MGST1: variants seen among roughly 807,000 people sequenced by gnomAD.
The protein encoded by MGST1 is microsomal glutathione S-transferase 1.
Under a neutral mutation model 8.9 loss-of-function variants are expected in MGST1, and 5 were observed. The observed-to-expected ratio is 0.56, with a 90% CI of 0.29 to 1.19. The LOEUF is 1.19. MGST1 is among the 50% of genes most tolerant of loss of function. The pLI is 0.08. For synonymous variants in MGST1, 54 were observed against 67.8 expected, an observed-to-expected ratio of 0.80 and a Z score of 1.00; for missense variants, 182 against 187.4, an observed-to-expected ratio of 0.97 and a Z score of 0.17.
At chr12:16,364,474 G>A, downstream of MGST1, 1 of 865,020 alleles carries the variant, frequency 1.2e-6, no homozygotes, top group Non-Finnish European at 1.4e-6. This position sits in a 1 kb window ranked among gnomAD's most constrained non-coding sequence, Gnocchi z 5.7. Context: ...GGGTAAAGTT[G>A]AAAAATAGTA....
chr12:16,430,195 A>G (rs1001945134), intron 1 of MGST1, among the ~76,000 whole-genome samples: 2 of 152,178 alleles, frequency 1.3e-5, no homozygotes, highest in African/African-American at 4.8e-5. Context: ...CAGGTTCTAC[A>G]GCTAATTCTA....
intron 4 of MGST1, among the ~76,000 whole-genome samples, chr12:16,485,116 T>C (rs1941391210): frequency 6.6e-6 from 1 of 152,238 alleles, no homozygotes; most frequent in Non-Finnish European, 1.5e-5. Flanking sequence ...GTTGACCACC[T>C]TCCCCCTCTT....
intron 4 of MGST1, among the ~76,000 whole-genome samples, chr12:16,531,099 G>T (rs953303113): frequency 7.5e-5 from 10 of 133,404 alleles, no homozygotes; most frequent in Non-Finnish European, 3.0e-5. Context: ...GTAAGTTGCA[G>T]CACATGTGTT....
chr12:16,483,759 A>C (rs1941380326), intron 4 of MGST1, among the ~76,000 whole-genome samples: 1 of 152,168 alleles, frequency 6.6e-6, no homozygotes, highest in Non-Finnish European at 1.5e-5. Flanking sequence ...TCATTATCAT[A>C]ATGGGAGATT....
At position 16,576,343 on chromosome 12, in the gene MGST1, A is replaced by G. The variant is rs543704444; in HGVS notation, n.483-13185A>G. On this transcript the variant is annotated intron_variant and non_coding_transcript_variant, in intron 4 of 4. Transcript: ENST00000538857. The surrounding 1 kb of genome is among the most constrained non-coding windows in gnomAD (Gnocchi z 4.1). ...GAGCCTCAGCCCCAATGTGCTGTCT[A>G]CTCCCTGGACTCAGCATCTACTTTC... 4.0e-5 allele frequency among the ~76,000 whole-genome samples: 6 copies of G among 151,810 alleles called. No homozygotes were observed. In the South Asian group the frequency reaches 1.0e-3, roughly 26 times the overall value.
intron 3 of MGST1, among the ~76,000 whole-genome samples, chr12:16,370,589 T>C (rs996401673): frequency 2.0e-5 from 3 of 152,170 alleles, no homozygotes; most frequent in Non-Finnish European, 2.9e-5. Flanking sequence ...TATAACTTGA[T>C]AGTGAAAGGA....
intron 3 of MGST1, among the ~76,000 whole-genome samples, chr12:16,359,250 C>T (rs1413227146): frequency 1.3e-5 from 2 of 152,170 alleles, no homozygotes. Context: ...AAGCAATGCC[C>T]AGTGTTACAC....
intron 4 of MGST1, among the ~76,000 whole-genome samples, chr12:16,588,263 T>C (rs976327571): frequency 6.6e-6 from 1 of 151,866 alleles, no homozygotes; most frequent in Non-Finnish European, 1.5e-5. Flanking sequence ...AATATACAAA[T>C]TGAAGGTGTG....
intron 4 of MGST1, among the ~76,000 whole-genome samples, chr12:16,449,445 C>T (rs926151263): frequency 3.9e-5 from 6 of 151,906 alleles, no homozygotes; most frequent in African/African-American, 1.4e-4. Flanking sequence ...TACACTTCAA[C>T]ATTTAAGACA....
intron 4 of MGST1, among the ~76,000 whole-genome samples, chr12:16,505,244 A>G (rs1342179040): frequency 1.1e-4 from 17 of 152,178 alleles, no homozygotes; most frequent in Admixed American, 9.8e-4. Context: ...ACTTTCCACA[A>G]GAATAAAAAA....
intron 4 of MGST1, among the ~76,000 whole-genome samples, chr12:16,531,019 A>G (rs1941719315): frequency 6.6e-6 from 1 of 152,018 alleles, no homozygotes; most frequent in Non-Finnish European, 1.5e-5. Context: ...CTCATATGAA[A>G]AAGTAATGTC....
At chr12:16,358,513 C>T (rs1394699136) in intron 3 of MGST1, among the ~76,000 whole-genome samples, 2 of 151,634 alleles carry the variant, frequency 1.3e-5, no homozygotes, top group African/African-American at 4.9e-5. Flanking sequence ...GTCACCTAGG[C>T]TGGAGTGCAA....
In MGST1 at chr12:16,576,595, GTC is replaced by G. The variant is rs1291743239; in HGVS notation, n.483-12929_483-12928del. 2.6e-5 allele frequency among the ~76,000 whole-genome samples: 4 copies of G among 152,092 alleles called. No homozygotes were observed. Among genetic ancestry groups the G allele is most frequent in the Non-Finnish European group, 4.4e-5 (3 of 68,034 alleles). On this transcript the variant is annotated intron_variant and non_coding_transcript_variant, in intron 4 of 4. Transcript: ENST00000538857. The surrounding 1 kb of genome is among the most constrained non-coding windows in gnomAD (Gnocchi z 4.1). ...ATCTGTATCAGTTACGTACCTGTTT[GTC>G]TCTTTCTCACTACATAATAAGCTCC...
At position 16,560,932 on chromosome 12, in the gene MGST1, A is replaced by C. The variant is rs1406756360; in HGVS notation, n.483-28596A>C. On this transcript the variant is annotated intron_variant and non_coding_transcript_variant, in intron 4 of 4. Transcript: ENST00000538857. The surrounding 1 kb of genome is among the most constrained non-coding windows in gnomAD (Gnocchi z 5.0). ...AGTTGGGAAAGGAACCAACTAATGA[A>C]TGATTCACTACTTTTTGACATTTAG... 2.1e-5 allele frequency: 4 copies of C among 188,578 alleles called. No homozygotes were observed. The highest frequency in any genetic ancestry group is 3.4e-5 in the Non-Finnish European group (3 of 88,358). The allele number at this position is 188,578 out of a possible 1,614,324, so 11.7% of individuals were successfully genotyped here.
At chr12:16,400,967 T>C (rs1940650062) in intron 1 of MGST1, 15 of 1,409,440 alleles carry the variant, frequency 1.1e-5, no homozygotes, top group South Asian at 2.3e-5. Flanking sequence ...TGCTTCTTCA[T>C]TGAGTTGAGC....
chr12:16,485,844 A>C (rs1294189894), intron 4 of MGST1, among the ~76,000 whole-genome samples: 1 of 152,232 alleles, frequency 6.6e-6, no homozygotes, highest in Non-Finnish European at 1.5e-5. Context: ...CATTCAATTC[A>C]AGAAAGTACT....
intron 4 of MGST1, among the ~76,000 whole-genome samples, chr12:16,501,311 G>T (rs1428935822): frequency 6.6e-6 from 1 of 152,094 alleles, no homozygotes; most frequent in Non-Finnish European, 1.5e-5. Flanking sequence ...CTTTGAAAAT[G>T]GGCTCCTTCA....
chr12:16,350,939 C>G (rs1161009973), intron 1 of MGST1: 1 of 152,150 alleles, frequency 6.6e-6, no homozygotes, highest in African/African-American at 2.4e-5. Flanking sequence ...CTCCCATTGC[C>G]CTTTTTCCCA....
chr12:16,521,351 A>T (rs1941647605), intron 4 of MGST1, among the ~76,000 whole-genome samples: 1 of 152,080 alleles, frequency 6.6e-6, no homozygotes, highest in Non-Finnish European at 1.5e-5. Context: ...ACAAAACCAA[A>T]AATGACCGTT....
Sources: gnomAD v4.1 joint callset for allele counts (sites outside exome capture counted in the v4.1 genomes callset) on GRCh38, gnomAD v4.1.1 for gene constraint, Gnocchi (gnomAD v3.1) non-coding constraint, MANE v1.5 for transcripts, NCBI Gene and HGNC (gene_info 2026-07-23, HGNC 2026-07-21) for gene names.